Variants in CCDC7 observed in about 807,000 individuals in gnomAD.
CCDC7 encodes the protein coiled-coil domain containing 7, also known as coiled-coil domain-containing protein 7.
CCDC7 carries 183 observed loss-of-function variants against 196.9 expected under a neutral mutation model. The observed-to-expected ratio is 0.93, with a 90% CI of 0.82 to 1.05. The LOEUF is 1.05. Ranked by LOEUF, CCDC7 falls within the 50% of genes least tolerant of loss-of-function variation. The pLI is 0.00. For missense variants in CCDC7, 1,540 were observed against 1,482.2 expected (o/e 1.04, Z -0.64); for synonymous variants, 525 against 484.6 (o/e 1.08, Z -1.10).
At chr10:32,772,746 C>T (rs1167447088) in intron 28 of CCDC7, among the ~76,000 whole-genome samples, 1 of 152,184 alleles carries the variant, frequency 6.6e-6, no homozygotes, top group African/African-American at 2.4e-5. Flanking sequence ...ATTATCCTCC[C>T]CAAGTCAGTT....
At chr10:32,830,888 A>C (rs758809430) in intron 32 of CCDC7, among the ~76,000 whole-genome samples, 13 of 152,222 alleles carry the variant, frequency 8.5e-5, no homozygotes, top group Admixed American at 2.6e-4. Context: ...TAAACACAAT[A>C]AAATTCACAA....
rs569513132 is a variant in CCDC7 at position 32,802,575 on chromosome 10, T to C, written c.3014-2440T>C. 1.4e-4 allele frequency among the ~76,000 whole-genome samples: 21 copies of C among 152,282 alleles called. No individual in the cohort carries two copies. The South Asian group carries it at 3.9e-3, about 29-fold the overall frequency. On this transcript the variant is annotated intron_variant, in intron 29 of 41. Coordinates refer to ENST00000639629, the Ensembl canonical transcript of CCDC7. ...GAGGGCTGGACTAAGAGGATAGATA[T>C]ATAGACAAAAGGGAGTTTATTAAGG...
intron 9 of CCDC7, among the ~76,000 whole-genome samples, chr10:32,503,807 A>C (rs1262599441): frequency 6.6e-6 from 1 of 152,058 alleles, no homozygotes; most frequent in Non-Finnish European, 1.5e-5. Flanking sequence ...CTTCTTGGTC[A>C]TTATTGGTCT....
chr10:32,705,046 G>T (rs1479831581), intron 24 of CCDC7, among the ~76,000 whole-genome samples: 1 of 152,108 alleles, frequency 6.6e-6, no homozygotes, highest in Non-Finnish European at 1.5e-5. Flanking sequence ...ACAATGCCCA[G>T]TGAGATGAAC....
At chr10:32,455,106 T>C (rs1008982380) in intron 2 of CCDC7, among the ~76,000 whole-genome samples, 2 of 152,102 alleles carry the variant, frequency 1.3e-5, no homozygotes, top group African/African-American at 4.8e-5. Flanking sequence ...TTCTCTATAT[T>C]TGTGGCACCT....
chr10:32,597,689 C>T (rs7081211), intron 18 of CCDC7, among the ~76,000 whole-genome samples: 21,503 of 152,154 alleles, frequency 0.14, 1,871 homozygotes, highest in African/African-American at 0.25. Flanking sequence ...TGCTGACGCA[C>T]AGATGGGGTT....
intron 15 of CCDC7, 76 bp downstream of exon 16, chr10:32,567,967 T>C (rs1419934830): frequency 3.6e-6 from 5 of 1,387,970 alleles, no homozygotes; most frequent in African/African-American, 1.5e-5. Context: ...TTTACTTCAT[T>C]TGTATATGTT....
chr10:32,446,907 T>C (rs2031309911), upstream of CCDC7, among the ~76,000 whole-genome samples: 1 of 76,246 alleles, frequency 1.3e-5, no homozygotes, highest in African/African-American at 3.2e-5. Flanking sequence ...CCTGCCTGCC[T>C]CCCTCCCTCC....
intron 11 of CCDC7, among the ~76,000 whole-genome samples, chr10:32,531,074 T>C (rs1342831039): frequency 6.6e-6 from 1 of 152,222 alleles, no homozygotes; most frequent in Non-Finnish European, 1.5e-5. Context: ...TTTGTAAACA[T>C]TGAACCATCT....
At chr10:32,525,176 A>G (rs1382543866) in intron 11 of CCDC7, among the ~76,000 whole-genome samples, 1 of 151,968 alleles carries the variant, frequency 6.6e-6, no homozygotes, top group African/African-American at 2.4e-5. Flanking sequence ...GCAAATCAAC[A>G]TGGCACATGT....
At chr10:32,819,924 C>G (rs2089801467) in intron 31 of CCDC7, among the ~76,000 whole-genome samples, 1 of 152,174 alleles carries the variant, frequency 6.6e-6, no homozygotes, top group Admixed American at 6.5e-5. Flanking sequence ...GATGTCCTCT[C>G]TCACCACTCC....
chr10:32,505,880 G>T (rs1564487906), intron 9 of CCDC7, among the ~76,000 whole-genome samples: 1 of 151,146 alleles, frequency 6.6e-6, no homozygotes, highest in African/African-American at 2.4e-5. Context: ...CCCAGACGGG[G>T]CTGCCAGTCA....
chr10:32,784,582 C>CT (rs148600554), intron 29 of CCDC7, among the ~76,000 whole-genome samples: 15,940 of 151,986 alleles, frequency 0.1, 1,033 homozygotes, highest in South Asian at 0.25. Context: ...AGCCAAAGTT[C>CT]TTTTTTTTGA....
intron 28 of CCDC7, among the ~76,000 whole-genome samples, chr10:32,758,536 C>A (rs2076873837): frequency 6.6e-6 from 1 of 152,062 alleles, no homozygotes; most frequent in Non-Finnish European, 1.5e-5. Flanking sequence ...AGGCCTTTGA[C>A]AAAATTCAAC....
chr10:32,716,262 G>C (rs769165708), intron 25 of CCDC7, among the ~76,000 whole-genome samples: 1 of 152,156 alleles, frequency 6.6e-6, no homozygotes, highest in Non-Finnish European at 1.5e-5. Flanking sequence ...CATTCTTAAA[G>C]AATTTTCAAC....
chr10:32,846,041 C>A, intron 36 of CCDC7, 82 bp downstream of exon 37: 1 of 978,112 alleles, frequency 1.0e-6, no homozygotes, highest in Non-Finnish European at 1.6e-6. Context: ...CCTTTAATGA[C>A]AACAGTACCT....
chr10:32,678,682 G>T (rs1259409049), intron 21 of CCDC7, among the ~76,000 whole-genome samples: 1 of 152,150 alleles, frequency 6.6e-6, no homozygotes, highest in African/African-American at 2.4e-5. Flanking sequence ...ATAACAGGCT[G>T]GGAAAAGTCC....
At chr10:32,816,286 T>C (rs1201035738) in intron 31 of CCDC7, among the ~76,000 whole-genome samples, 9 of 151,968 alleles carry the variant, frequency 5.9e-5, no homozygotes. Context: ...GCGAGGCTGG[T>C]GGAGGGGTGC....
At chr10:32,785,294 C>G (rs560042830) in intron 29 of CCDC7, among the ~76,000 whole-genome samples, 1 of 152,172 alleles carries the variant, frequency 6.6e-6, no homozygotes. Flanking sequence ...ATCACATTTT[C>G]TATGATGCAA....
Sources: allele counts gnomAD v4.1 joint callset (sites outside exome capture counted in the v4.1 genomes callset), GRCh38; gene constraint gnomAD v4.1.1; transcripts MANE v1.5; gene names NCBI Gene and HGNC (gene_info 2026-07-23, HGNC 2026-07-21).